RPS6KC1: variants seen among roughly 807,000 people sequenced by gnomAD.
RPS6KC1 encodes the protein inactive ribosomal protein S6 kinase delta-1.
Under a neutral mutation model 103.8 loss-of-function variants are expected in RPS6KC1, and 54 were observed. That is an observed-to-expected ratio of 0.52 (90% confidence interval 0.42 to 0.65). The LOEUF (loss-of-function observed/expected upper bound fraction) is 0.65, where lower values mean the gene tolerates loss of function less well. RPS6KC1 is among the 30% of genes least tolerant of loss of function. RPS6KC1 has a pLI of 0.00. For missense variants in RPS6KC1, 1,151 were observed against 1,253.8 expected (o/e 0.92, Z 1.24); for synonymous variants, 439 against 438.7 (o/e 1.00, Z -0.01).
At chr1:213,840,512 A>G in the RPS6KC1 span, 1 of 152,196 alleles carries the variant, frequency 6.6e-6, no homozygotes, top group Non-Finnish European at 1.5e-5. Flanking sequence ...TCTCACCTAA[A>G]CTATAATTGG....
chr1:213,116,149 G>C (rs1252784117), intron 4 of RPS6KC1, among the ~76,000 whole-genome samples: 4 of 151,930 alleles, frequency 2.6e-5, no homozygotes, highest in African/African-American at 9.7e-5. Context: ...TGTTGACAGT[G>C]GGGTGTTAAA....
chr1:213,055,761 T>G lies in RPS6KC1; in HGVS notation c.105+4252T>G, dbSNP rs1033149249. ...ATTTTGATTGGGATTATATTGAGAA[T>G]GTAGATGAATTTCAGAAGAATTGAT... On this transcript the variant is annotated intron_variant, in intron 1 of 14. Transcript: ENST00000366960. Among the ~76,000 whole-genome samples the G allele has an allele frequency of 3.3e-5, 5 of 152,250 alleles. No individual in the cohort carries two copies. In the South Asian group the frequency reaches 1.0e-3, roughly 31 times the overall value.
At chr1:213,735,038 C>A in the RPS6KC1 span, among the ~76,000 whole-genome samples, 1 of 152,208 alleles carries the variant, frequency 6.6e-6, no homozygotes, top group African/African-American at 2.4e-5. Context: ...ATTCTTCTGC[C>A]TCAGCCTCCC....
the RPS6KC1 span, among the ~76,000 whole-genome samples, chr1:213,439,585 A>G: frequency 6.6e-6 from 1 of 152,134 alleles, no homozygotes; most frequent in Non-Finnish European, 1.5e-5. Flanking sequence ...CTGTGAAAGG[A>G]AGGGGCAGGA....
chr1:213,228,436 C>T (rs1419646325), intron 8 of RPS6KC1, among the ~76,000 whole-genome samples: 1 of 152,036 alleles, frequency 6.6e-6, no homozygotes, highest in Non-Finnish European at 1.5e-5. Flanking sequence ...AATTATTTCA[C>T]TGAGCCAGAC....
chr1:213,431,720 T>C, the RPS6KC1 span, among the ~76,000 whole-genome samples: 1 of 151,964 alleles, frequency 6.6e-6, no homozygotes, highest in Middle Eastern at 3.2e-3. Flanking sequence ...GGTAGACATT[T>C]GAGTTGTTTT....
At chr1:213,753,047 T>C in the RPS6KC1 span, among the ~76,000 whole-genome samples, 1 of 152,196 alleles carries the variant, frequency 6.6e-6, no homozygotes, top group Non-Finnish European at 1.5e-5. Context: ...TTCTTTGTAC[T>C]CCATGCATCA....
At chr1:213,202,973 G>A (rs1003734823) in intron 8 of RPS6KC1, among the ~76,000 whole-genome samples, 2 of 151,954 alleles carry the variant, frequency 1.3e-5, no homozygotes, top group Admixed American at 6.6e-5. Context: ...TGCCTGTGAT[G>A]AATATTCTTA....
At chr1:213,538,450 G>T in the RPS6KC1 span, among the ~76,000 whole-genome samples, 1 of 152,174 alleles carries the variant, frequency 6.6e-6, no homozygotes, top group Non-Finnish European at 1.5e-5. Context: ...CTATGCCGAG[G>T]GAGCAGTGAC....
the RPS6KC1 span, among the ~76,000 whole-genome samples, chr1:213,311,321 G>GT: frequency 1.3e-5 from 2 of 152,012 alleles, no homozygotes; most frequent in Non-Finnish European, 2.9e-5. Flanking sequence ...TGTATTTTTA[G>GT]TAGAGACGGG....
chr1:213,561,518 A>G, the RPS6KC1 span, among the ~76,000 whole-genome samples: 463 of 152,312 alleles, frequency 3.0e-3, 5 homozygotes, highest in African/African-American at 0.011. Context: ...CCCTCATGGT[A>G]TGTCCACTGC....
chr1:213,214,538 C>T (rs1440541060), intron 8 of RPS6KC1, among the ~76,000 whole-genome samples: 3 of 152,206 alleles, frequency 2.0e-5, no homozygotes, highest in Non-Finnish European at 2.9e-5. Flanking sequence ...GTGGTTCTCC[C>T]AGCATGGACC....
chr1:213,781,202 A>G, the RPS6KC1 span, among the ~76,000 whole-genome samples: 5 of 152,232 alleles, frequency 3.3e-5, no homozygotes, highest in Non-Finnish European at 4.4e-5. Flanking sequence ...TTCCTTTGTC[A>G]GAGCAGTTTA....
intron 4 of RPS6KC1, among the ~76,000 whole-genome samples, chr1:213,116,750 A>G (rs1273018821): frequency 3.0e-4 from 45 of 151,604 alleles, no homozygotes; most frequent in Admixed American, 5.9e-4. Context: ...CAGGCCTGGT[A>G]GTGACAAAAT....
the RPS6KC1 span, among the ~76,000 whole-genome samples, chr1:213,668,022 T>C: frequency 6.6e-6 from 1 of 152,228 alleles, no homozygotes; most frequent in Non-Finnish European, 1.5e-5. Context: ...TCCACTGAAG[T>C]CTTGAGTCCC....
At chr1:213,311,221 C>T in the RPS6KC1 span, among the ~76,000 whole-genome samples, 1 of 151,788 alleles carries the variant, frequency 6.6e-6, no homozygotes, top group Non-Finnish European at 1.5e-5. Context: ...TCACTGCAAG[C>T]TCCGCCTTCC....
the RPS6KC1 span, among the ~76,000 whole-genome samples, chr1:213,844,066 C>T: frequency 6.6e-6 from 1 of 151,884 alleles, no homozygotes; most frequent in Non-Finnish European, 1.5e-5. Context: ...GAAGAGTATT[C>T]ATGTTAATTA....
At chr1:213,162,900 T>C (rs1341087038) in intron 6 of RPS6KC1, among the ~76,000 whole-genome samples, 1 of 152,184 alleles carries the variant, frequency 6.6e-6, no homozygotes, top group Non-Finnish European at 1.5e-5. Flanking sequence ...TGAAAAAACA[T>C]TAATAGGGGG....
chr1:213,843,814 CT>C, the RPS6KC1 span, among the ~76,000 whole-genome samples: 1 of 152,132 alleles, frequency 6.6e-6, no homozygotes, highest in African/African-American at 2.4e-5. Context: ...TTTTTCCTTT[CT>C]TTTCTAACCC....
Sources: allele counts gnomAD v4.1 joint callset (sites outside exome capture counted in the v4.1 genomes callset), GRCh38; gene constraint gnomAD v4.1.1; transcripts MANE v1.5; gene names NCBI Gene and HGNC (gene_info 2026-07-23, HGNC 2026-07-21).